The following LRP1B variants were observed in gnomAD, a reference collection of about 807,000 sequenced individuals.
LRP1B encodes the protein LDL receptor related protein 1B.
LRP1B carries 217 observed loss-of-function variants against 556.6 expected under a neutral mutation model. The observed-to-expected ratio is 0.39, with a 90% CI of 0.35 to 0.44. The LOEUF is 0.44. Among genes scored for constraint, LRP1B ranks in the 20% least tolerant of loss-of-function variants. LRP1B has a pLI of 1.00. For synonymous variants in LRP1B, 2,047 were observed against 1,865.8 expected, an observed-to-expected ratio of 1.10 and a Z score of -2.50; for missense variants, 5,053 against 5,620.8, an observed-to-expected ratio of 0.90 and a Z score of 3.23.
intron 2 of LRP1B, among the ~76,000 whole-genome samples, chr2:141,691,948 T>G (rs1691549322): frequency 6.6e-6 from 1 of 152,022 alleles, no homozygotes; most frequent in South Asian, 2.1e-4. Context: ...TTATAGTTGA[T>G]ATCTCAGCAA....
At chr2:141,700,651 A>C (rs1041920865) in intron 2 of LRP1B, among the ~76,000 whole-genome samples, 2 of 151,736 alleles carry the variant, frequency 1.3e-5, no homozygotes, top group African/African-American at 4.8e-5. Context: ...TAGCCATAGA[A>C]ACTAGAATCC....
At chr2:140,346,641 T>C (rs1681699445) in intron 77 of LRP1B, among the ~76,000 whole-genome samples, 1 of 151,866 alleles carries the variant, frequency 6.6e-6, no homozygotes, top group Non-Finnish European at 1.5e-5. Flanking sequence ...GCCAAGACTT[T>C]GAAGTGTTTT....
At chr2:141,013,840 T>C (rs1038680427) in intron 13 of LRP1B, 95 bp from the exon 14 acceptor site, 7 of 626,596 alleles carry the variant, frequency 1.1e-5, no homozygotes, top group African/African-American at 1.9e-5. Flanking sequence ...GTATAACAGA[T>C]AATAATCTCA....
At chr2:142,065,945 TG>T (rs1211384987) in intron 1 of LRP1B, among the ~76,000 whole-genome samples, 2 of 151,378 alleles carry the variant, frequency 1.3e-5, no homozygotes, top group African/African-American at 4.8e-5. Flanking sequence ...TCTCCATCTG[TG>T]GGTTCATGAA....
At chr2:140,245,719 G>A (rs1008738094) in intron 87 of LRP1B, among the ~76,000 whole-genome samples, 1 of 151,344 alleles carries the variant, frequency 6.6e-6, no homozygotes, top group Non-Finnish European at 1.5e-5. Context: ...TGGGAAGAGA[G>A]ATAAAGTATT....
chr2:141,512,130 A>G (rs6721055), intron 2 of LRP1B, among the ~76,000 whole-genome samples: 148,327 of 152,268 alleles, frequency 0.97, 72,357 homozygotes, highest in East Asian at 1. Flanking sequence ...ATCAACATAT[A>G]CCCTACCCTC....
intron 3 of LRP1B, among the ~76,000 whole-genome samples, chr2:141,434,986 G>T (rs1160291689): frequency 6.6e-6 from 1 of 151,550 alleles, no homozygotes; most frequent in Non-Finnish European, 1.5e-5. Flanking sequence ...TGTATACGTA[G>T]TAGCTTAAAG....
intron 82 of LRP1B, among the ~76,000 whole-genome samples, chr2:140,319,109 C>A (rs191626199): frequency 6.6e-6 from 1 of 152,100 alleles, no homozygotes; most frequent in East Asian, 1.9e-4. Context: ...GCAGGGTATT[C>A]ATAGAGTTTA....
At chr2:141,194,774 C>G (rs1317582659) in intron 6 of LRP1B, among the ~76,000 whole-genome samples, 1 of 151,800 alleles carries the variant, frequency 6.6e-6, no homozygotes, top group South Asian at 2.1e-4. Context: ...AACAAAATAC[C>G]AAGACTCCAA....
rs112445997 is a variant in LRP1B at position 141,521,040 on chromosome 2, A to G, written c.206-40507T>C. Among the ~76,000 whole-genome samples the G allele has an allele frequency of 5.7e-3, 875 of 152,212 alleles. 15 individuals are homozygous for G. Among genetic ancestry groups the G allele is most frequent in the African/African-American group, 0.02 (839 of 41,542 alleles). On this transcript the variant is annotated intron_variant, in intron 2 of 90. Coordinates refer to ENST00000389484, the MANE Select transcript of LRP1B (RefSeq NM_018557.3). ...CAGCATCTCTCTCCTCCACCCTGTCACTAGGCTTGCTCTAGGCATACAATC... is the reference window on the plus strand; with the variant it reads ...CAGCATCTCTCTCCTCCACCCTGTCGCTAGGCTTGCTCTAGGCATACAATC...
intron 1 of LRP1B, among the ~76,000 whole-genome samples, chr2:141,811,453 C>G (rs1027057601): frequency 2.6e-5 from 4 of 151,842 alleles, no homozygotes; most frequent in Non-Finnish European, 5.9e-5. Flanking sequence ...GAAAATAATA[C>G]TATATCTTAC....
At chr2:140,868,599 G>C (rs551681357) in intron 25 of LRP1B, among the ~76,000 whole-genome samples, 1 of 152,204 alleles carries the variant, frequency 6.6e-6, no homozygotes, top group East Asian at 1.9e-4. Flanking sequence ...GCAGTATAAA[G>C]AGCATGGCAA....
chr2:140,737,022 G>T (rs977515222), intron 35 of LRP1B, among the ~76,000 whole-genome samples: 1 of 152,132 alleles, frequency 6.6e-6, no homozygotes, highest in Non-Finnish European at 1.5e-5. Context: ...CCAAACAAGA[G>T]TGCTGTTTAA....
intron 2 of LRP1B, among the ~76,000 whole-genome samples, chr2:141,696,714 A>G (rs1691743598): frequency 6.6e-6 from 1 of 151,996 alleles, no homozygotes; most frequent in Non-Finnish European, 1.5e-5. Flanking sequence ...GAACCACTAT[A>G]GTGATTAAAT....
At chr2:140,249,922 C>A (rs1174128435) in intron 86 of LRP1B, among the ~76,000 whole-genome samples, 1 of 151,880 alleles carries the variant, frequency 6.6e-6, no homozygotes, top group Admixed American at 6.6e-5. Flanking sequence ...TTGTGCAGAT[C>A]ATCAAAATCT....
chr2:141,210,526 C>G (rs1682496617), intron 6 of LRP1B, among the ~76,000 whole-genome samples: 1 of 151,966 alleles, frequency 6.6e-6, no homozygotes, highest in Admixed American at 6.6e-5. Flanking sequence ...TATTTCATGA[C>G]TTATGATAAA....
At chr2:140,718,016 A>G (rs1015597679) in intron 35 of LRP1B, among the ~76,000 whole-genome samples, 1 of 152,072 alleles carries the variant, frequency 6.6e-6, no homozygotes, top group Non-Finnish European at 1.5e-5. Flanking sequence ...TTTTTTCATT[A>G]TTGTACCAGG....
intron 41 of LRP1B, among the ~76,000 whole-genome samples, chr2:140,659,266 ATAGATACT>A (rs1685007478): frequency 6.6e-6 from 1 of 151,884 alleles, no homozygotes; most frequent in Non-Finnish European, 1.5e-5. Flanking sequence ...ATGTCATCTA[ATAGATACT>A]TTATGAGTAG....
chr2:141,689,484 G>A (rs1428566113), intron 2 of LRP1B, among the ~76,000 whole-genome samples: 2 of 151,700 alleles, frequency 1.3e-5, no homozygotes, highest in Non-Finnish European at 2.9e-5. Context: ...ACACATACAT[G>A]ATTTATATCC....
Sources: gnomAD v4.1 joint callset for allele counts (sites outside exome capture counted in the v4.1 genomes callset) on GRCh38, gnomAD v4.1.1 for gene constraint, MANE v1.5 for transcripts, NCBI Gene and HGNC (gene_info 2026-07-23, HGNC 2026-07-21) for gene names.